WWOX: variants seen among roughly 807,000 people sequenced by gnomAD.
The protein encoded by WWOX is WW domain-containing oxidoreductase.
A neutral mutation model predicts 46.2 loss-of-function variants in WWOX; 69 were observed. That is an observed-to-expected ratio of 1.49 (90% CI 1.23 to 1.82). The LOEUF is 1.82. Ranked by LOEUF, WWOX falls within the 40% of genes most tolerant of loss-of-function variation. WWOX has a pLI of 0.00. For missense variants in WWOX, 919 were observed against 542.6 expected, an observed-to-expected ratio of 1.69 and a Z score of -6.89; for synonymous variants, 359 against 202.6, an observed-to-expected ratio of 1.77 and a Z score of -6.56.
intron 8 of WWOX, among the ~76,000 whole-genome samples, chr16:78,777,664 G>T (rs2050224772): frequency 6.6e-6 from 1 of 152,132 alleles, no homozygotes; most frequent in African/African-American, 2.4e-5. Context: ...AGACTCCCCA[G>T]CACAGAGTTC....
intron 8 of WWOX, among the ~76,000 whole-genome samples, chr16:78,860,925 C>T (rs143370157): frequency 2.0e-3 from 303 of 152,310 alleles, no homozygotes; most frequent in African/African-American, 6.9e-3. Flanking sequence ...AGGTGATCCT[C>T]CCACTTCAGC....
intron 5 of WWOX, among the ~76,000 whole-genome samples, chr16:78,291,883 C>T (rs960348536): frequency 6.6e-6 from 1 of 151,982 alleles, no homozygotes; most frequent in African/African-American, 2.4e-5. Flanking sequence ...GGAGGGAATT[C>T]CCCTTTTGTG....
chr16:79,082,834 G>A (rs944501124), intron 8 of WWOX, among the ~76,000 whole-genome samples: 25 of 152,142 alleles, frequency 1.6e-4, no homozygotes, highest in African/African-American at 6.0e-4. Flanking sequence ...CCTTGTGTGT[G>A]CTTACAGAGG....
At chr16:78,333,042 A>ATTTTTTTTTTTTT (rs1441535183) in intron 5 of WWOX, among the ~76,000 whole-genome samples, 1 of 62,178 alleles carries the variant, frequency 1.6e-5, no homozygotes, top group African/African-American at 5.1e-5. Flanking sequence ...AGAGCATTAT[A>ATTTTTTTTTTTTT]CTTTTTTTTT....
chr16:78,782,134 C>G (rs1597600395), intron 8 of WWOX, among the ~76,000 whole-genome samples: 1 of 152,142 alleles, frequency 6.6e-6, no homozygotes, highest in South Asian at 2.1e-4. Flanking sequence ...CCTTCACTGG[C>G]TTTAATTTCC....
intron 8 of WWOX, among the ~76,000 whole-genome samples, chr16:78,829,217 A>G (rs1248751597): frequency 6.6e-6 from 1 of 152,186 alleles, no homozygotes; most frequent in Non-Finnish European, 1.5e-5. Context: ...GGCTCACACA[A>G]TTATGGAAGC....
At chr16:78,723,104 C>G (rs1437816413) in intron 8 of WWOX, among the ~76,000 whole-genome samples, 1 of 152,144 alleles carries the variant, frequency 6.6e-6, no homozygotes, top group Non-Finnish European at 1.5e-5. Context: ...TACCTTAAGG[C>G]TGATTGAGTA....
chr16:79,104,346 A>G (rs1437443549), intron 8 of WWOX, among the ~76,000 whole-genome samples: 1 of 152,212 alleles, frequency 6.6e-6, no homozygotes, highest in Non-Finnish European at 1.5e-5. Flanking sequence ...TTTTCCTTCA[A>G]AATTACAATG....
rs533306240 is a variant in WWOX at position 78,701,421 on chromosome 16, A to T, written c.1056+268669A>T. On this transcript the variant is annotated intron_variant, in intron 8 of 8. Coordinates refer to ENST00000566780, the MANE Select transcript of WWOX (RefSeq NM_016373.4). ...CTTCTGAAGTCACCCCCTCCATCTG[A>T]CAGGAGGTTGAAGGTCCGATGGCCA... 7.2e-5 allele frequency among the ~76,000 whole-genome samples: 11 copies of T among 152,010 alleles called. No individual in the cohort carries two copies. In the East Asian group the frequency reaches 2.1e-3, roughly 30 times the overall value.
intron 8 of WWOX, among the ~76,000 whole-genome samples, chr16:78,870,184 T>C (rs1163304509): frequency 2.6e-5 from 4 of 152,228 alleles, no homozygotes; most frequent in Non-Finnish European, 5.9e-5. Flanking sequence ...CCTAAGATCC[T>C]GGATGGCAGG....
chr16:78,693,416 T>C (rs1328676101), intron 8 of WWOX, among the ~76,000 whole-genome samples: 1 of 152,238 alleles, frequency 6.6e-6, no homozygotes. Flanking sequence ...CTGCCTGCTC[T>C]GTCAGCCACC....
intron 8 of WWOX, among the ~76,000 whole-genome samples, chr16:78,967,104 T>C (rs1194105111): frequency 6.6e-6 from 1 of 152,102 alleles, no homozygotes; most frequent in Non-Finnish European, 1.5e-5. Flanking sequence ...CATGCATCTG[T>C]CCCTGGGTTA....
At chr16:78,553,808 C>A (rs980499702) in intron 8 of WWOX, among the ~76,000 whole-genome samples, 1 of 151,938 alleles carries the variant, frequency 6.6e-6, no homozygotes, top group Non-Finnish European at 1.5e-5. Context: ...TGCAGACCCC[C>A]CTGGTGGCAG....
intron 8 of WWOX, among the ~76,000 whole-genome samples, chr16:78,985,302 C>A (rs531759236): frequency 3.3e-5 from 5 of 152,320 alleles, no homozygotes; most frequent in South Asian, 4.1e-4. Flanking sequence ...ATAGAGGAAG[C>A]AGTTCAGCCC....
intron 8 of WWOX, among the ~76,000 whole-genome samples, chr16:78,457,166 T>C (rs2083840075): frequency 6.6e-6 from 1 of 152,252 alleles, no homozygotes; most frequent in Admixed American, 6.5e-5. Context: ...TTTTTTGTTT[T>C]GTTTCTGTTG....
intron 8 of WWOX, among the ~76,000 whole-genome samples, chr16:78,704,466 C>T (rs367573293): frequency 2.0e-5 from 3 of 152,188 alleles, no homozygotes; most frequent in East Asian, 3.9e-4. Context: ...TGATTGCCCA[C>T]GGATCTTCAG....
rs565562463 is a variant in WWOX, at chr16:78,878,697, C to T, written c.1057-332911C>T. 1.7e-4 allele frequency among the ~76,000 whole-genome samples: 26 copies of T among 151,802 alleles called. No individual in the cohort carries two copies. The South Asian group carries it at 5.4e-3, about 32-fold the overall frequency. On this transcript the variant is annotated intron_variant, in intron 8 of 8. Transcript: ENST00000566780. Reference sequence around the variant, plus strand: ...TTATTCCTTAATTTCCTTTATAGACCCCTTTCCCTGCAACACCCAGTAGTC... The same window carrying T: ...TTATTCCTTAATTTCCTTTATAGACTCCTTTCCCTGCAACACCCAGTAGTC...
chr16:78,735,778 C>G (rs757009580), intron 8 of WWOX, among the ~76,000 whole-genome samples: 1 of 152,004 alleles, frequency 6.6e-6, no homozygotes, highest in African/African-American at 2.4e-5. Flanking sequence ...AAGGCCCCTG[C>G]CCCCTGCCTT....
At chr16:78,892,876 A>G (rs1244748020) in intron 8 of WWOX, among the ~76,000 whole-genome samples, 1 of 152,204 alleles carries the variant, frequency 6.6e-6, no homozygotes, top group African/African-American at 2.4e-5. Flanking sequence ...GGCTTCATTC[A>G]TTGGTATCTC....
Sources: gnomAD v4.1 joint callset for allele counts (sites outside exome capture counted in the v4.1 genomes callset) on GRCh38, gnomAD v4.1.1 for gene constraint, MANE v1.5 for transcripts, NCBI Gene and HGNC (gene_info 2026-07-23, HGNC 2026-07-21) for gene names.